Variants in CCNY observed in about 807,000 individuals in gnomAD.
CCNY encodes cyclin-Y.
CCNY carries 19 observed loss-of-function variants against 42.8 expected under a neutral mutation model. The ratio of observed to expected loss-of-function variants is 0.44; its 90% CI spans 0.31 to 0.65. CCNY has a LOEUF of 0.65. Among genes scored for constraint, CCNY ranks in the 30% least tolerant of loss-of-function variants. CCNY has a pLI of 0.07. For missense variants in CCNY, 370 were observed against 437.3 expected (o/e 0.85, Z 1.37); for synonymous variants, 165 against 162.7 (o/e 1.01, Z -0.11).
At chr10:35,406,456 G>A (rs11527672) in intron 1 of CCNY, among the ~76,000 whole-genome samples, 29,941 of 151,560 alleles carry the variant, frequency 0.2, 3,685 homozygotes, top group East Asian at 0.33. Flanking sequence ...GCCTTCAAGC[G>A]TCTGTTTAAC....
Position 35,345,418 on chromosome 10 carries a change from G to A in CCNY, c.154+8211G>A, listed in dbSNP as rs117778808. On this transcript the variant is annotated intron_variant, in intron 1 of 9. Transcript: ENST00000374704. Reference sequence around the variant, plus strand: ...CAGGAGGCGGAGCTTGCAGTGAACCGAGGTAGCGCCACTGCACTCTAGCCT... The same window carrying A: ...CAGGAGGCGGAGCTTGCAGTGAACCAAGGTAGCGCCACTGCACTCTAGCCT... Among the ~76,000 whole-genome samples the A allele has an allele frequency of 2.3e-4, 35 of 150,526 alleles. No individual in the cohort carries two copies. The East Asian group carries it at 4.7e-3, about 20-fold the overall frequency.
chr10:35,262,049 G>A (rs1478808196), intron 3 of CCNY, among the ~76,000 whole-genome samples: 2 of 135,482 alleles, frequency 1.5e-5, no homozygotes, highest in African/African-American at 5.9e-5. Flanking sequence ...TAAAAAGAGA[G>A]ATCAGGAGTT....
At chr10:35,426,716 C>G (rs1229042325) in intron 1 of CCNY, among the ~76,000 whole-genome samples, 1 of 152,156 alleles carries the variant, frequency 6.6e-6, no homozygotes, top group Admixed American at 6.5e-5. Flanking sequence ...TTCCTGAGAC[C>G]CTTTGTCCAA....
At chr10:35,497,726 C>CAAA (rs34502756) in intron 2 of CCNY, among the ~76,000 whole-genome samples, 36 of 73,530 alleles carry the variant, frequency 4.9e-4, no homozygotes, top group East Asian at 1.6e-3. Flanking sequence ...GACTCCGTCT[C>CAAA]AAAAAAAAAA....
chr10:35,406,871 C>A lies in CCNY; in HGVS notation c.154+69664C>A, dbSNP rs533073745. Among the ~76,000 whole-genome samples the A allele has an allele frequency of 1.1e-3, 170 of 151,960 alleles. 1 individual carries two copies. Among genetic ancestry groups the A allele is most frequent in the South Asian group, 1.0e-2 (48 of 4,812 alleles). On this transcript the variant is annotated intron_variant, in intron 1 of 9. Coordinates refer to ENST00000374704, the MANE Select transcript of CCNY (RefSeq NM_145012.6). ...GCCGGGCGGGGGGCTGACCCCCCCC[C>A]ACCTCCGTCCCCGTCGGGGCGGCCG...
intron 2 of CCNY, among the ~76,000 whole-genome samples, chr10:35,496,528 A>G (rs1011890105): frequency 1.8e-4 from 27 of 152,164 alleles, no homozygotes; most frequent in African/African-American, 6.5e-4. Flanking sequence ...AGGTCGGTCT[A>G]TTTTAGAAAT....
At chr10:35,420,614 A>G (rs1838138098) in intron 1 of CCNY, among the ~76,000 whole-genome samples, 1 of 152,206 alleles carries the variant, frequency 6.6e-6, no homozygotes, top group Non-Finnish European at 1.5e-5. Context: ...CCAGTTCCCA[A>G]TGACCAATTC....
At chr10:35,528,251 T>A (rs1840692293) in intron 5 of CCNY, among the ~76,000 whole-genome samples, 1 of 152,190 alleles carries the variant, frequency 6.6e-6, no homozygotes, top group Non-Finnish European at 1.5e-5. Flanking sequence ...CCCAGGTTGG[T>A]ATCAGAGTGT....
At chr10:35,281,876 G>A (rs1565063162) in intron 3 of CCNY, among the ~76,000 whole-genome samples, 1 of 152,080 alleles carries the variant, frequency 6.6e-6, no homozygotes, top group Non-Finnish European at 1.5e-5. Flanking sequence ...ATTCTACTCT[G>A]TAAATGAGAT....
At chr10:35,564,770 C>T (rs1049010970) in intron 8 of CCNY, among the ~76,000 whole-genome samples, 1 of 152,238 alleles carries the variant, frequency 6.6e-6, no homozygotes, top group Non-Finnish European at 1.5e-5. Flanking sequence ...GCCCTGGTTC[C>T]TCTCCGCCAG....
chr10:35,273,509 TC>T (rs1319174159), intron 3 of CCNY, among the ~76,000 whole-genome samples: 1 of 152,074 alleles, frequency 6.6e-6, no homozygotes, highest in Non-Finnish European at 1.5e-5. Context: ...CCGGCGATCC[TC>T]CTCATTCTTA....
At chr10:35,273,102 C>G (rs572813023) in intron 3 of CCNY, among the ~76,000 whole-genome samples, 1 of 152,172 alleles carries the variant, frequency 6.6e-6, no homozygotes, top group Non-Finnish European at 1.5e-5. Context: ...GGAAGTCCTA[C>G]ATTTCCCTAA....
chr10:35,384,763 G>C (rs2135199404), intron 1 of CCNY, among the ~76,000 whole-genome samples: 1 of 152,208 alleles, frequency 6.6e-6, no homozygotes, highest in African/African-American at 2.4e-5. Context: ...GGTGCCCCTG[G>C]GACCCTTTCA....
chr10:35,496,037 A>G (rs140753522), intron 2 of CCNY, among the ~76,000 whole-genome samples: 5 of 152,364 alleles, frequency 3.3e-5, no homozygotes, highest in Admixed American at 2.0e-4. Context: ...CACAGGAAAA[A>G]GGAAAGGGAA....
chr10:35,371,096 G>T (rs1277997845), intron 1 of CCNY, among the ~76,000 whole-genome samples: 1 of 152,192 alleles, frequency 6.6e-6, no homozygotes, highest in African/African-American at 2.4e-5. Context: ...GGTTTTAAGA[G>T]GGCTGGATTT....
At chr10:35,452,871 A>G (rs1838949151) in intron 1 of CCNY, among the ~76,000 whole-genome samples, 1 of 152,166 alleles carries the variant, frequency 6.6e-6, no homozygotes, top group Non-Finnish European at 1.5e-5. Context: ...TGTTTTTTAA[A>G]AGCTGGGTTT....
chr10:35,296,721 C>T (rs1460322209), intron 3 of CCNY, among the ~76,000 whole-genome samples: 3 of 152,136 alleles, frequency 2.0e-5, no homozygotes, highest in African/African-American at 4.8e-5. Context: ...TGGATAAATT[C>T]CTGGACACAT....
At chr10:35,439,669 C>G (rs572823300) in intron 1 of CCNY, among the ~76,000 whole-genome samples, 1 of 150,940 alleles carries the variant, frequency 6.6e-6, no homozygotes, top group Non-Finnish European at 1.5e-5. Context: ...TTCTTCATTT[C>G]GTACAGCTTG....
intron 1 of CCNY, among the ~76,000 whole-genome samples, chr10:35,390,637 C>T (rs2504368): frequency 0.053 from 8,057 of 152,238 alleles, 312 homozygotes; most frequent in African/African-American, 0.11. Flanking sequence ...GTTGCAGTCT[C>T]ATTTCCCTCT....
Sources: allele counts gnomAD v4.1 joint callset (sites outside exome capture counted in the v4.1 genomes callset), GRCh38; gene constraint gnomAD v4.1.1; transcripts MANE v1.5; gene names NCBI Gene and HGNC (gene_info 2026-07-23, HGNC 2026-07-21).